Variants in PCDHGB7 observed in about 807,000 individuals in gnomAD.
The protein encoded by PCDHGB7 is protocadherin gamma subfamily B, 7, also known as protocadherin gamma-B7.
PCDHGB7 carries 37 observed loss-of-function variants against 61.4 expected under a neutral mutation model. The observed-to-expected ratio is 0.60, with a 90% CI of 0.46 to 0.79. The LOEUF is 0.79. PCDHGB7 is among the 30% of genes least tolerant of loss of function. The probability of loss-of-function intolerance (pLI) is 0.00; values close to 1 mark genes in which losing one functional copy is unlikely to be tolerated. For missense variants in PCDHGB7, 1,166 were observed against 1,202.5 expected, an observed-to-expected ratio of 0.97 and a Z score of 0.45; for synonymous variants, 464 against 503.5, an observed-to-expected ratio of 0.92 and a Z score of 1.05.
rs775989253 is a variant in PCDHGB7 at position 141,491,769 on chromosome 5, G to A, written c.2416-3038G>A. On this transcript the variant is annotated intron_variant, in intron 1 of 3. Transcript: ENST00000398594. The surrounding 1 kb of genome is among the most constrained non-coding windows in gnomAD (Gnocchi z 6.9). ...CTGGAGAAGCCGCCCGTCCTCATAA[G>A]GGATTGAACTTGCATCCACTCCTCT... 6.4e-7 allele frequency: 1 copy of A among 1,562,376 alleles called. No homozygotes were observed. Among genetic ancestry groups the A allele is most frequent in the African/African-American group, 1.4e-5 (1 of 73,058 alleles).
At chr5:141,504,065 G>C (rs1291060280) in intron 2 of PCDHGB7, among the ~76,000 whole-genome samples, 2 of 152,060 alleles carry the variant, frequency 1.3e-5, no homozygotes, top group African/African-American at 2.4e-5. Context: ...AAACTTCTCT[G>C]AGCCAGATGG....
rs1224943883 is a variant in PCDHGB7 at position 141,493,516 on chromosome 5, G to A, written c.2416-1291G>A. Among the ~76,000 whole-genome samples, 1 of 152,122 alleles carries A rather than the reference G, an allele frequency of 6.6e-6. No individual in the cohort carries two copies. The highest frequency in any genetic ancestry group is 1.5e-5 in the Non-Finnish European group (1 of 68,036). On this transcript the variant is annotated intron_variant, in intron 1 of 3. Coordinates refer to ENST00000398594, the MANE Select transcript of PCDHGB7 (RefSeq NM_018927.4). The surrounding 1 kb of genome is among the most constrained non-coding windows in gnomAD (Gnocchi z 4.3). ...GGCTCCTCATTTCTGAGCAGTCCCC[G>A]CAGCGCAAACTTGGCCAGTTATCCT...
chr5:141,440,780 C>T (rs748247053), intron 1 of PCDHGB7: 1 of 152,158 alleles, frequency 6.6e-6, no homozygotes, highest in African/African-American at 2.4e-5. Flanking sequence ...GTGCTAGCAG[C>T]CTTAGACGGC....
chr5:141,477,180 C>T lies in PCDHGB7; in HGVS notation c.2416-17627C>T. On this transcript the variant is annotated intron_variant, in intron 1 of 3. Coordinates refer to ENST00000398594, the MANE Select transcript of PCDHGB7 (RefSeq NM_018927.4). This position sits in a 1 kb window ranked among gnomAD's most constrained non-coding sequence, Gnocchi z 4.9. ...GACAACGCCCCGGAGATCACAGTCA[C>T]CTCCGTGTACAGCCCAGTACCCGAG... 1 of 1,614,196 alleles carries T rather than the reference C, an allele frequency of 6.2e-7. No homozygotes were observed. The highest frequency in any genetic ancestry group is 8.5e-7 in the Non-Finnish European group (1 of 1,180,032).
chr5:141,488,312 A>G lies in PCDHGB7; in HGVS notation c.2416-6495A>G, dbSNP rs952247975. 7.9e-5 allele frequency among the ~76,000 whole-genome samples: 12 copies of G among 152,286 alleles called. 1 individual carries two copies. Among genetic ancestry groups the G allele is most frequent in the African/African-American group, 2.9e-4 (12 of 41,558 alleles). On this transcript the variant is annotated intron_variant, in intron 1 of 3. Coordinates refer to ENST00000398594, the MANE Select transcript of PCDHGB7 (RefSeq NM_018927.4). ...AGTAAGTGAAATCACTTATGTCAGA[A>G]AACTGGTTTACAGTTGGCTGATTCA...
chr5:141,430,383 G>GAA (rs139772145), intron 1 of PCDHGB7, among the ~76,000 whole-genome samples: 39 of 138,602 alleles, frequency 2.8e-4, no homozygotes, highest in African/African-American at 7.9e-4. Context: ...AGCTCATTGG[G>GAA]AAAAAAAAAA....
chr5:141,506,207 TTGGGAAGCTGAG>T (rs1487107822), intron 3 of PCDHGB7, among the ~76,000 whole-genome samples: 1 of 152,020 alleles, frequency 6.6e-6, no homozygotes, highest in Non-Finnish European at 1.5e-5. Flanking sequence ...TCCCAGCACT[TTGGGAAGCTGAG>T]GCAGGAGGAT....
rs1387036035 is a variant in PCDHGB7, at chr5:141,432,158, A to G, written c.2415+11884A>G. ...CGCTTATATCCCAGAGAACAATCCC[A>G]GAGGAGTTTCCCTCGTCTCTGTGAC... is the stretch of plus-strand genomic sequence containing the variant. On this transcript the variant is annotated intron_variant, in intron 1 of 3. Coordinates refer to ENST00000398594, the MANE Select transcript of PCDHGB7 (RefSeq NM_018927.4). The surrounding 1 kb of genome is among the most constrained non-coding windows in gnomAD (Gnocchi z 6.0). The G allele has an allele frequency of 6.2e-7, 1 of 1,613,932 alleles. No individual in the cohort carries two copies. Among genetic ancestry groups the G allele is most frequent in the Non-Finnish European group, 8.5e-7 (1 of 1,180,002 alleles).
intron 1 of PCDHGB7, chr5:141,428,212 C>A (rs1295973505): frequency 8.0e-7 from 1 of 1,255,000 alleles, no homozygotes; most frequent in Non-Finnish European, 1.1e-6. Context: ...TACGCTTCAC[C>A]TAGTCTTCGC....
chr5:141,457,495 T>C (rs2098922394), intron 1 of PCDHGB7, among the ~76,000 whole-genome samples: 1 of 152,204 alleles, frequency 6.6e-6, no homozygotes, highest in Admixed American at 6.5e-5. Context: ...GTCTAAAATG[T>C]AGGCAAAAAG....
chr5:141,424,055 C>A, intron 1 of PCDHGB7: 2 of 1,007,784 alleles, frequency 2.0e-6, no homozygotes, highest in Non-Finnish European at 1.2e-6. Context: ...TTTTGCTGTG[C>A]CTTCACTGAT....
Position 141,477,201 on chromosome 5 carries a change from C to T in PCDHGB7, c.2416-17606C>T, listed in dbSNP as rs1269388368. 6.2e-7 allele frequency: 1 copy of T among 1,614,076 alleles called. No homozygotes were observed. Among genetic ancestry groups the T allele is most frequent in the Non-Finnish European group, 8.5e-7 (1 of 1,180,056 alleles). On this transcript the variant is annotated intron_variant, in intron 1 of 3. Transcript: ENST00000398594. The surrounding 1 kb of genome is among the most constrained non-coding windows in gnomAD (Gnocchi z 4.9). ...GTCACCTCCGTGTACAGCCCAGTAC[C>T]CGAGGATGCCCCTCTGGGGACTGTC... is the stretch of plus-strand genomic sequence containing the variant.
chr5:141,423,101 G>A (rs757127033), intron 1 of PCDHGB7: 3 of 1,613,966 alleles, frequency 1.9e-6, no homozygotes, highest in South Asian at 1.1e-5. Context: ...GAGCACACGG[G>A]CGAGGTGCGT....
At chr5:141,433,208 CTTT>C (rs745329085) in intron 1 of PCDHGB7, 6 of 1,292,918 alleles carry the variant, frequency 4.6e-6, no homozygotes, top group East Asian at 2.6e-5. Flanking sequence ...AATCTTCTTT[CTTT>C]TTTTTTTTTA....
Position 141,419,710 on chromosome 5 carries a change from C to T in PCDHGB7, c.1851C>T (p.Phe617=). The change falls in exon 1 of 4, where the codon TTC becomes TTT. Residue 617 remains phenylalanine, a synonymous_variant. Coordinates refer to ENST00000398594, the MANE Select transcript of PCDHGB7 (RefSeq NM_018927.4). ...HVVQASEPGL[F]SLGLRTGEVR... ...TGCAGGCCAGTGAGCCCGGGCTCTT[C>T]AGCCTGGGGCTGCGAACAGGCGAGG... The T allele has an allele frequency of 6.2e-7, 1 of 1,613,168 alleles. No individual in the cohort carries two copies. Among genetic ancestry groups the T allele is most frequent in the South Asian group, 1.1e-5 (1 of 91,070 alleles).
intron 1 of PCDHGB7, among the ~76,000 whole-genome samples, chr5:141,492,438 G>C (rs2099740636): frequency 6.6e-6 from 1 of 152,236 alleles, no homozygotes; most frequent in Non-Finnish European, 1.5e-5. Flanking sequence ...AGGAGTACTC[G>C]TAGCTGATTG....
chr5:141,453,077 T>C (rs2098755487), intron 1 of PCDHGB7, among the ~76,000 whole-genome samples: 1 of 152,090 alleles, frequency 6.6e-6, no homozygotes, highest in African/African-American at 2.4e-5. Context: ...CACACTCTGG[T>C]TGATTAGTAT....
chr5:141,421,201 C>A, intron 1 of PCDHGB7: 3 of 1,518,204 alleles, frequency 2.0e-6, no homozygotes, highest in Non-Finnish European at 2.6e-6. Context: ...GCTCGAGAAA[C>A]CGCGGAATAT....
Position 141,476,646 on chromosome 5 carries a change from A to G in PCDHGB7, c.2416-18161A>G, listed in dbSNP as rs771366262. 1.9e-6 allele frequency: 3 copies of G among 1,614,132 alleles called. No homozygotes were observed. The highest frequency in any genetic ancestry group is 1.7e-5 in the Admixed American group (1 of 60,010). ...TTACAAACCTATGAGCTGAGCCGAA[A>G]TGAATACTTTGCGCTTCGCGTGCAG... On this transcript the variant is annotated intron_variant, in intron 1 of 3. Transcript: ENST00000398594. This position sits in a 1 kb window ranked among gnomAD's most constrained non-coding sequence, Gnocchi z 7.6.
Sources: allele counts gnomAD v4.1 joint callset (sites outside exome capture counted in the v4.1 genomes callset), GRCh38; gene constraint gnomAD v4.1.1; non-coding constraint Gnocchi (gnomAD v3.1); transcripts MANE v1.5; gene names NCBI Gene and HGNC (gene_info 2026-07-23, HGNC 2026-07-21).